The following OSBPL10 variants were observed in gnomAD, a reference collection of about 807,000 sequenced individuals.
The protein encoded by OSBPL10 is oxysterol-binding protein-related protein 10.
Under a neutral mutation model 81.7 loss-of-function variants are expected in OSBPL10, and 49 were observed. The ratio of observed to expected loss-of-function variants is 0.60; its 90% CI spans 0.48 to 0.76. The LOEUF (loss-of-function observed/expected upper bound fraction) is 0.76. Among genes scored for constraint, OSBPL10 ranks in the 30% least tolerant of loss-of-function variants. The pLI is 0.00. For synonymous variants in OSBPL10, 419 were observed against 383.6 expected, an observed-to-expected ratio of 1.09 and a Z score of -1.08; for missense variants, 923 against 987.8, an observed-to-expected ratio of 0.93 and a Z score of 0.88.
intron 2 of OSBPL10, among the ~76,000 whole-genome samples, chr3:32,013,315 G>A (rs1275196447): frequency 2.0e-5 from 3 of 152,108 alleles, no homozygotes; most frequent in African/African-American, 7.2e-5. Flanking sequence ...CAACTACATG[G>A]AAACTGAACA....
chr3:31,965,406 A>G (rs9813464), intron 1 of OSBPL10, among the ~76,000 whole-genome samples: 1 of 117,860 alleles, frequency 8.5e-6, no homozygotes, highest in African/African-American at 3.2e-5. Context: ...TATAATATAA[A>G]ATATATATTA....
At chr3:31,693,791 A>C (rs1388197234) in intron 7 of OSBPL10, among the ~76,000 whole-genome samples, 1 of 152,162 alleles carries the variant, frequency 6.6e-6, no homozygotes, top group East Asian at 1.9e-4. Context: ...TTTTTAAGAT[A>C]AGGTCTTGCT....
chr3:31,989,433 A>T, intron 2 of OSBPL10: 1 of 1,614,248 alleles, frequency 6.2e-7, no homozygotes, highest in Non-Finnish European at 8.5e-7. Context: ...AATGGCAAGA[A>T]GACAAAAGAA....
intron 1 of OSBPL10, among the ~76,000 whole-genome samples, chr3:31,975,501 C>T (rs753107529): frequency 6.6e-6 from 1 of 152,222 alleles, no homozygotes; most frequent in Non-Finnish European, 1.5e-5. Context: ...ACACTAAACA[C>T]TCAACGTATG....
At chr3:32,044,971 A>G (rs1024701485) in intron 2 of OSBPL10, among the ~76,000 whole-genome samples, 1 of 152,240 alleles carries the variant, frequency 6.6e-6, no homozygotes, top group Non-Finnish European at 1.5e-5. Context: ...TGAATGCTCT[A>G]CTTTGAAAGA....
chr3:31,661,920 C>T lies in OSBPL10; in HGVS notation c.*152G>A, dbSNP rs1700080421. On this transcript the variant is annotated 3_prime_UTR_variant, in exon 12 of 12. Transcript: ENST00000396556. Reference sequence around the variant, plus strand: ...ATTCCTCTAGCAGAGTGTGGGGGTGCACTTTTCATAGTATATAATTTCTCT... The same window carrying T: ...ATTCCTCTAGCAGAGTGTGGGGGTGTACTTTTCATAGTATATAATTTCTCT... 3.5e-6 allele frequency: 4 copies of T among 1,153,904 alleles called. No homozygotes were observed. Among genetic ancestry groups the T allele is most frequent in the Non-Finnish European group, 4.9e-6 (4 of 822,352 alleles). The allele number at this position is 1,153,904 out of a possible 1,614,324, so 71.5% of individuals were successfully genotyped here. A position where few individuals can be genotyped will look rare whatever the true frequency, so the allele number is the denominator to read the frequency against.
chr3:31,757,369 G>A (rs1431807801), intron 4 of OSBPL10, among the ~76,000 whole-genome samples: 1 of 152,074 alleles, frequency 6.6e-6, no homozygotes, highest in Non-Finnish European at 1.5e-5. Flanking sequence ...GGAGGCTGAG[G>A]CAGAAAGATC....
At chr3:31,846,574 G>A (rs561310099) in intron 3 of OSBPL10, among the ~76,000 whole-genome samples, 7 of 152,174 alleles carry the variant, frequency 4.6e-5, no homozygotes, top group African/African-American at 1.7e-4. Flanking sequence ...GGAGGTTGCA[G>A]TGAGCCAAGA....
chr3:31,666,501 G>A (rs1199856344), intron 10 of OSBPL10, among the ~76,000 whole-genome samples: 2 of 152,178 alleles, frequency 1.3e-5, no homozygotes, highest in South Asian at 2.1e-4. Context: ...TAGCACACCC[G>A]GCTGGGAGAG....
At chr3:32,043,389 C>A (rs528159227) in intron 2 of OSBPL10, among the ~76,000 whole-genome samples, 1 of 152,100 alleles carries the variant, frequency 6.6e-6, no homozygotes, top group Non-Finnish European at 1.5e-5. Context: ...GCACTGATTT[C>A]GTATTGTTCA....
chr3:31,946,306 G>C (rs1231222537), intron 1 of OSBPL10, among the ~76,000 whole-genome samples: 1 of 150,564 alleles, frequency 6.6e-6, no homozygotes, highest in East Asian at 1.9e-4. Flanking sequence ...ATGAAAAGGG[G>C]GAACTCAAGT....
intron 2 of OSBPL10, among the ~76,000 whole-genome samples, chr3:32,011,212 T>A (rs901406358): frequency 6.6e-6 from 1 of 152,136 alleles, no homozygotes; most frequent in Non-Finnish European, 1.5e-5. Flanking sequence ...GACTGACACC[T>A]CACACAGCCG....
chr3:32,067,617 C>T (rs143270778), intron 1 of OSBPL10, among the ~76,000 whole-genome samples: 1,638 of 152,234 alleles, frequency 0.011, 41 homozygotes, highest in African/African-American at 0.037. Flanking sequence ...TCTGCCCCAC[C>T]CTAACTGATC....
At chr3:31,879,921 A>T in intron 1 of OSBPL10, 91 bp from the exon 2 acceptor site, 1 of 1,316,022 alleles carries the variant, frequency 7.6e-7, no homozygotes, top group South Asian at 1.5e-5. Context: ...AGAAGTCAAC[A>T]TCAAGACTCC....
chr3:31,800,979 C>CA (rs1380149153), intron 4 of OSBPL10, among the ~76,000 whole-genome samples: 1 of 147,692 alleles, frequency 6.8e-6, no homozygotes, highest in African/African-American at 2.5e-5. Flanking sequence ...TCCCCTTGAC[C>CA]AAAAAAAGTT....
Position 32,065,944 on chromosome 3 carries a change from G to GA in OSBPL10, n.185+11451dup, listed in dbSNP as rs1553652501. Among the ~76,000 whole-genome samples, 2 of 35,860 alleles carry GA rather than the reference G, an allele frequency of 5.6e-5. 1 individual carries two copies. The highest frequency in any genetic ancestry group is 1.6e-4 in the Non-Finnish European group (2 of 12,900). 23.5% of individuals were successfully genotyped at this position (35,860 alleles called of 152,430 possible). On this transcript the variant is annotated intron_variant and non_coding_transcript_variant, in intron 1 of 3. Transcript: ENST00000479173. The stretch of plus-strand genomic sequence containing the variant: ...AAGAAAGAAAGAAGGAAAGAAGAAA[G>GA]AAGAAAGAAAGAAAGAAAGAAAGAA...
At chr3:32,039,956 A>G (rs1024061314) in intron 2 of OSBPL10, among the ~76,000 whole-genome samples, 3 of 152,226 alleles carry the variant, frequency 2.0e-5, no homozygotes, top group African/African-American at 7.2e-5. Context: ...ATTCAACAGT[A>G]CGGTAAAAGA....
At chr3:31,733,167 A>G in intron 6 of OSBPL10, 90 bp downstream of exon 6, 1 of 1,535,858 alleles carries the variant, frequency 6.5e-7, no homozygotes, top group East Asian at 2.3e-5. Flanking sequence ...TCTTAAAACA[A>G]AGAGATGAGC....
chr3:31,813,626 G>T (rs973034451), intron 4 of OSBPL10, among the ~76,000 whole-genome samples: 2 of 152,104 alleles, frequency 1.3e-5, no homozygotes, highest in Non-Finnish European at 2.9e-5. Context: ...TCACTATCTA[G>T]AAATGGAGGC....
Sources: allele counts gnomAD v4.1 joint callset (sites outside exome capture counted in the v4.1 genomes callset), GRCh38; gene constraint gnomAD v4.1.1; transcripts MANE v1.5; gene names NCBI Gene and HGNC (gene_info 2026-07-23, HGNC 2026-07-21).